CDC42EP3: variants seen among roughly 807,000 people sequenced by gnomAD.
The protein encoded by CDC42EP3 is CDC42 effector protein 3.
In CDC42EP3, 4 loss-of-function variants were observed where a neutral mutation model predicts 15.5. That is an observed-to-expected ratio of 0.26 (90% CI 0.13 to 0.59). The LOEUF (loss-of-function observed/expected upper bound fraction) is 0.59. CDC42EP3 is among the 20% of genes least tolerant of loss of function. The pLI, the probability that CDC42EP3 is intolerant of heterozygous loss-of-function variation, is 0.89. For synonymous variants in CDC42EP3, 145 were observed against 130.3 expected (o/e 1.11, Z -0.77); for missense variants, 309 against 311.2 (o/e 0.99, Z 0.05).
chr2:37,670,814 T>C (rs1274325978), intron 1 of CDC42EP3, among the ~76,000 whole-genome samples: 1 of 152,118 alleles, frequency 6.6e-6, no homozygotes, highest in African/African-American at 2.4e-5. Context: ...GATCCATTCA[T>C]CCTCACATGT....
At chr2:37,662,352 G>A (rs1036373503) in intron 1 of CDC42EP3, among the ~76,000 whole-genome samples, 4 of 152,098 alleles carry the variant, frequency 2.6e-5, no homozygotes, top group African/African-American at 9.7e-5. Flanking sequence ...CAATGGAAGG[G>A]GTAATGTTCA....
At chr2:37,658,877 G>C (rs1021672600) in intron 1 of CDC42EP3, among the ~76,000 whole-genome samples, 2 of 152,224 alleles carry the variant, frequency 1.3e-5, no homozygotes, top group African/African-American at 4.8e-5. Context: ...ATCTACACCA[G>C]AGTGAGGTAC....
At position 37,645,732 on chromosome 2, in the gene CDC42EP3, A is replaced by G; in HGVS notation, c.*91T>C. The G allele has an allele frequency of 9.9e-7, 1 of 1,009,464 alleles. No homozygotes were observed. The highest frequency in any genetic ancestry group is 1.4e-6 in the Non-Finnish European group (1 of 707,888). 62.5% of individuals were successfully genotyped at this position (1,009,464 alleles called of 1,614,324 possible). The stretch of plus-strand genomic sequence containing the variant: ...ATTATTTTAGAAAACCCAACACAAA[A>G]CTGCAAATACAGCTCCGGAAGCCCT... On this transcript the variant is annotated 3_prime_UTR_variant, in exon 2 of 2. Transcript: ENST00000295324.
At chr2:37,671,670 T>C (rs1371981417), upstream of CDC42EP3, 1 of 150,656 alleles carries the variant, frequency 6.6e-6, no homozygotes, top group Non-Finnish European at 1.5e-5. Context: ...ACGCGAGGAC[T>C]GAACCTGCGG....
intron 1 of CDC42EP3, among the ~76,000 whole-genome samples, chr2:37,663,204 A>C (rs1443179260): frequency 4.6e-5 from 7 of 152,074 alleles, no homozygotes; most frequent in Admixed American, 4.6e-4. Context: ...CAAAAAAAAC[A>C]AACCAACCTT....
At chr2:37,658,703 T>C (rs1057390430) in intron 1 of CDC42EP3, among the ~76,000 whole-genome samples, 1 of 152,172 alleles carries the variant, frequency 6.6e-6, no homozygotes, top group Non-Finnish European at 1.5e-5. Flanking sequence ...CGCCTCCATC[T>C]CTACATCAAG....
chr2:37,650,471 G>A lies in CDC42EP3; in HGVS notation c.-235-3649C>T, dbSNP rs184698997. Among the ~76,000 whole-genome samples the A allele has an allele frequency of 3.9e-5, 6 of 152,338 alleles. No homozygotes were observed. In the East Asian group the frequency reaches 9.6e-4, roughly 24 times the overall value. ...TACCAGCAGCACTTGATACAAGTCGGTATTTGTTGAGGGCTTCTCTATGTA... is the reference window on the plus strand; with the variant it reads ...TACCAGCAGCACTTGATACAAGTCGATATTTGTTGAGGGCTTCTCTATGTA... On this transcript the variant is annotated intron_variant, in intron 1 of 1. Coordinates refer to ENST00000295324, the MANE Select transcript of CDC42EP3 (RefSeq NM_006449.5).
At chr2:37,654,138 G>T (rs1308101521) in intron 1 of CDC42EP3, among the ~76,000 whole-genome samples, 1 of 152,074 alleles carries the variant, frequency 6.6e-6, no homozygotes, top group Non-Finnish European at 1.5e-5. Flanking sequence ...ACCCTCCGCC[G>T]CCTCCCTACC....
At chr2:37,650,188 A>G (rs1282925718) in intron 1 of CDC42EP3, among the ~76,000 whole-genome samples, 1 of 152,174 alleles carries the variant, frequency 6.6e-6, no homozygotes, top group East Asian at 1.9e-4. Context: ...AGGGGCAACC[A>G]TGATTGATCC....
chr2:37,642,639 C>T lies in CDC42EP3; in HGVS notation c.*3184G>A, dbSNP rs1187820461. On this transcript the variant is annotated 3_prime_UTR_variant, in exon 2 of 2. Transcript: ENST00000295324. ...AAAATGATTCAGTCTTGCCAGGTTC[C>T]ATATTAGGAGGATTAGAACTACATC... The T allele has an allele frequency of 6.6e-6, 1 of 152,130 alleles. No homozygotes were observed. The highest frequency in any genetic ancestry group is 1.5e-5 in the Non-Finnish European group (1 of 68,018). 9.4% of individuals were successfully genotyped at this position (152,130 alleles called of 1,614,324 possible).
chr2:37,660,812 C>A (rs904020388), intron 1 of CDC42EP3, among the ~76,000 whole-genome samples: 2 of 151,702 alleles, frequency 1.3e-5, no homozygotes, highest in African/African-American at 4.8e-5. Flanking sequence ...ATGGAATGAA[C>A]CTCAAAGTAG....
At chr2:37,655,837 C>G (rs1665831021) in intron 1 of CDC42EP3, among the ~76,000 whole-genome samples, 1 of 152,220 alleles carries the variant, frequency 6.6e-6, no homozygotes, top group Admixed American at 6.5e-5. Flanking sequence ...CTAATCTCTG[C>G]TCAAAAGCAA....
At chr2:37,657,056 T>G (rs1665888295) in intron 1 of CDC42EP3, among the ~76,000 whole-genome samples, 1 of 130,988 alleles carries the variant, frequency 7.6e-6, no homozygotes, top group Admixed American at 9.8e-5. Context: ...TCGTGTTAAG[T>G]GCTGTTCATT....
At chr2:37,654,000 C>T (rs912350765) in intron 1 of CDC42EP3, among the ~76,000 whole-genome samples, 25 of 152,312 alleles carry the variant, frequency 1.6e-4, no homozygotes, top group African/African-American at 5.8e-4. Flanking sequence ...TCAGCACAGT[C>T]GCACTATGCG....
At chr2:37,648,033 T>C (rs1665532011) in intron 1 of CDC42EP3, among the ~76,000 whole-genome samples, 1 of 152,184 alleles carries the variant, frequency 6.6e-6, no homozygotes, top group Non-Finnish European at 1.5e-5. Flanking sequence ...GCCCTCAAGT[T>C]TGTGGTCGTT....
rs1454516913 is a variant in CDC42EP3 at position 37,643,706 on chromosome 2, T to C, written c.*2117A>G. ...TACTAATTAAAATGGGGGGGAGGTA[T>C]TGAAAAGAGTCTAAAATTGGCTACA... is the stretch of plus-strand genomic sequence containing the variant. On this transcript the variant is annotated 3_prime_UTR_variant, in exon 2 of 2. Coordinates refer to ENST00000295324, the MANE Select transcript of CDC42EP3 (RefSeq NM_006449.5). The C allele has an allele frequency of 1.3e-5, 2 of 152,116 alleles. No individual in the cohort carries two copies. Among genetic ancestry groups the C allele is most frequent in the East Asian group, 3.8e-4 (2 of 5,198 alleles). The allele number at this position is 152,116 out of a possible 1,614,324, so 9.4% of individuals were successfully genotyped here.
upstream of CDC42EP3, chr2:37,671,791 C>T (rs1451286431): frequency 8.0e-6 from 1 of 125,686 alleles, no homozygotes; most frequent in Non-Finnish European, 1.7e-5. Context: ...TGCCCTGGCC[C>T]GGGGCCAACC....
intron 1 of CDC42EP3, among the ~76,000 whole-genome samples, chr2:37,654,621 G>C (rs1665791677): frequency 6.6e-6 from 1 of 152,154 alleles, no homozygotes; most frequent in Non-Finnish European, 1.5e-5. Flanking sequence ...CTCCCTGACA[G>C]TGCGTGAAGG....
intron 1 of CDC42EP3, among the ~76,000 whole-genome samples, chr2:37,666,668 T>C (rs180728819): frequency 6.6e-6 from 1 of 152,186 alleles, no homozygotes; most frequent in East Asian, 1.9e-4. Context: ...AATAGTAATC[T>C]TTTAAATCTC....
Sources: allele counts gnomAD v4.1 joint callset (sites outside exome capture counted in the v4.1 genomes callset), GRCh38; gene constraint gnomAD v4.1.1; transcripts MANE v1.5; gene names NCBI Gene and HGNC (gene_info 2026-07-23, HGNC 2026-07-21).